The following PLXNA4 variants were observed in gnomAD, a reference collection of about 807,000 sequenced individuals.
PLXNA4 encodes plexin A4, also known as plexin-A4.
PLXNA4 carries 44 observed loss-of-function variants against 191.8 expected under a neutral mutation model. That is an observed-to-expected ratio of 0.23 (90% CI 0.18 to 0.29). PLXNA4 has a LOEUF of 0.29. Ranked by LOEUF, PLXNA4 falls within the 10% of genes least tolerant of loss-of-function variation. PLXNA4 has a pLI of 1.00. For synonymous variants in PLXNA4, 1,082 were observed against 1,009.5 expected (o/e 1.07, Z -1.36); for missense variants, 1,800 against 2,488.8 (o/e 0.72, Z 5.89).
At chr7:132,373,726 G>T (rs550357109) in intron 3 of PLXNA4, among the ~76,000 whole-genome samples, 8 of 152,242 alleles carry the variant, frequency 5.3e-5, no homozygotes, top group African/African-American at 1.9e-4. Context: ...TAAATAATGA[G>T]GTGCCCATGG....
chr7:132,515,247 A>G (rs1008487208), intron 1 of PLXNA4, among the ~76,000 whole-genome samples: 2 of 152,194 alleles, frequency 1.3e-5, no homozygotes, highest in Non-Finnish European at 2.9e-5. Context: ...GAATGAAGCC[A>G]AAGTACTGAG....
At chr7:132,159,181 G>A (rs945169724) in intron 25 of PLXNA4, among the ~76,000 whole-genome samples, 2 of 152,060 alleles carry the variant, frequency 1.3e-5, no homozygotes, top group Non-Finnish European at 2.9e-5. Flanking sequence ...CCACCCCTCT[G>A]CTATTCAAAG....
intron 2 of PLXNA4, among the ~76,000 whole-genome samples, chr7:132,644,047 G>A (rs750334618): frequency 3.5e-4 from 54 of 152,202 alleles, no homozygotes; most frequent in Non-Finnish European, 6.6e-4. Flanking sequence ...AAATATGTGT[G>A]TGGATAGTGG....
intron 10 of PLXNA4, among the ~76,000 whole-genome samples, chr7:132,208,625 G>C (rs1797702080): frequency 2.0e-5 from 3 of 152,210 alleles, no homozygotes; most frequent in Non-Finnish European, 4.4e-5. Flanking sequence ...ACAGGGGCTG[G>C]AAGTAGAAAT....
At chr7:132,457,661 A>T (rs891162221) in intron 3 of PLXNA4, among the ~76,000 whole-genome samples, 9 of 152,218 alleles carry the variant, frequency 5.9e-5, no homozygotes, top group African/African-American at 2.2e-4. Context: ...GGACCTTGAG[A>T]TGGAGGAGAT....
chr7:132,275,885 G>A (rs1800257825), intron 4 of PLXNA4, among the ~76,000 whole-genome samples: 2 of 152,160 alleles, frequency 1.3e-5, no homozygotes, highest in Admixed American at 1.3e-4. Context: ...TATACCAAGT[G>A]CATCTTGCTT....
At chr7:132,594,539 C>T (rs546187446) in intron 2 of PLXNA4, among the ~76,000 whole-genome samples, 1 of 152,352 alleles carries the variant, frequency 6.6e-6, no homozygotes, top group African/African-American at 2.4e-5. Context: ...AGCTTTCAAA[C>T]TGTTTGAGTC....
intron 23 of PLXNA4, 22 bp downstream of exon 23, chr7:132,165,112 A>G (rs1462643759): frequency 1.9e-6 from 3 of 1,610,546 alleles, no homozygotes; most frequent in Non-Finnish European, 2.5e-6. Context: ...AAGGCCAGAA[A>G]TACGTCCACA....
At chr7:132,509,016 G>GATA (rs34243192) in intron 1 of PLXNA4, among the ~76,000 whole-genome samples, 149,734 of 152,150 alleles carry the variant, frequency 0.98, 73,719 homozygotes, top group Middle Eastern at 1. Context: ...ATAATGACAT[G>GATA]ATAATAGCAG....
chr7:132,484,086 G>T (rs1797447640), intron 3 of PLXNA4, among the ~76,000 whole-genome samples: 1 of 152,254 alleles, frequency 6.6e-6, no homozygotes, highest in Admixed American at 6.5e-5. Flanking sequence ...GGGTGATTGA[G>T]TGAGGGCTTA....
In PLXNA4 at chr7:132,403,073, G is replaced by A. The variant is rs147426256; in HGVS notation, c.1371+86219C>T. 9.2e-4 allele frequency among the ~76,000 whole-genome samples: 140 copies of A among 152,338 alleles called. 1 individual carries two copies. The highest frequency in any genetic ancestry group is 3.9e-3 in the Admixed American group (60 of 15,298). The stretch of plus-strand genomic sequence containing the variant: ...GCTCTCTGTGTGGTTCAGAGCCAGA[G>A]AGGGCAGGCTGGGCAGCCACTTCCA... On this transcript the variant is annotated intron_variant, in intron 3 of 31. Coordinates refer to ENST00000321063, the MANE Select transcript of PLXNA4 (RefSeq NM_020911.2).
intron 3 of PLXNA4, among the ~76,000 whole-genome samples, chr7:132,458,875 T>A (rs1796401167): frequency 1.3e-5 from 2 of 152,152 alleles, no homozygotes; most frequent in African/African-American, 4.8e-5. Context: ...ACTCCCAAGC[T>A]GTGTGCAGTG....
chr7:132,519,501 C>T (rs902185204), intron 1 of PLXNA4, among the ~76,000 whole-genome samples: 3 of 152,220 alleles, frequency 2.0e-5, no homozygotes. Flanking sequence ...GGGATAGTCA[C>T]CTCTCCAGTA....
At chr7:132,280,316 A>T (rs991312032) in intron 4 of PLXNA4, among the ~76,000 whole-genome samples, 1 of 152,206 alleles carries the variant, frequency 6.6e-6, no homozygotes, top group Non-Finnish European at 1.5e-5. Context: ...AAACACAAAA[A>T]ATAGTGGAAG....
intron 1 of PLXNA4, among the ~76,000 whole-genome samples, chr7:132,646,458 G>A (rs1190893105): frequency 6.6e-6 from 1 of 152,148 alleles, no homozygotes; most frequent in Non-Finnish European, 1.5e-5. Flanking sequence ...GCCTTTGGTA[G>A]CTGTTTAGGT....
At chr7:132,271,346 A>C (rs1264238981) in intron 4 of PLXNA4, 1 of 151,826 alleles carries the variant, frequency 6.6e-6, no homozygotes, top group Non-Finnish European at 1.5e-5. Flanking sequence ...ATGTCTAAAA[A>C]CCATGACCAT....
At chr7:132,265,975 G>T (rs948780517) in intron 4 of PLXNA4, among the ~76,000 whole-genome samples, 1 of 152,204 alleles carries the variant, frequency 6.6e-6, no homozygotes, top group African/African-American at 2.4e-5. Context: ...CATTAGAAAA[G>T]AGGAGCTCTA....
intron 3 of PLXNA4, among the ~76,000 whole-genome samples, chr7:132,308,782 T>G (rs551142008): frequency 6.6e-6 from 1 of 151,792 alleles, no homozygotes; most frequent in African/African-American, 2.4e-5. Flanking sequence ...AGTGAGGGGG[T>G]TTTGATAAAT....
rs111831754 is a variant in PLXNA4, at chr7:132,364,531, G to T, written c.1372-66309C>A. ...GACATCTGAGAGTGGCAGCCAGCTC[G>T]ACAGGCTCTTCCTTTCTCCATAAAG... is the stretch of plus-strand genomic sequence containing the variant. On this transcript the variant is annotated intron_variant, in intron 3 of 31. Transcript: ENST00000321063. Among the ~76,000 whole-genome samples the T allele has an allele frequency of 3.7e-3, 570 of 152,288 alleles. 1 individual carries two copies. Among genetic ancestry groups the T allele is most frequent in the Middle Eastern group, 0.017 (5 of 294 alleles).
Sources: allele counts gnomAD v4.1 joint callset (sites outside exome capture counted in the v4.1 genomes callset), GRCh38; gene constraint gnomAD v4.1.1; transcripts MANE v1.5; gene names NCBI Gene and HGNC (gene_info 2026-07-23, HGNC 2026-07-21).